The following NPAS3 variants were observed in gnomAD, a reference collection of about 807,000 sequenced individuals.
NPAS3 encodes neuronal PAS domain protein 3.
In NPAS3, 14 loss-of-function variants were observed where a neutral mutation model predicts 73.1. The ratio of observed to expected loss-of-function variants is 0.19; its 90% CI spans 0.13 to 0.30. The LOEUF (loss-of-function observed/expected upper bound fraction) is 0.30. Among genes scored for constraint, NPAS3 ranks in the 10% least tolerant of loss-of-function variants. The probability of loss-of-function intolerance (pLI) is 1.00; values close to 1 mark genes in which losing one functional copy is unlikely to be tolerated. For synonymous variants in NPAS3, 620 were observed against 541.5 expected (o/e 1.14, Z -2.01); for missense variants, 1,096 against 1,250.0 (o/e 0.88, Z 1.86).
intron 3 of NPAS3, among the ~76,000 whole-genome samples, chr14:33,256,416 C>G (rs890988864): frequency 1.3e-5 from 2 of 152,058 alleles, no homozygotes; most frequent in African/African-American, 2.4e-5. Flanking sequence ...CCATAAATTA[C>G]AAATAGTAAT....
intron 2 of NPAS3, among the ~76,000 whole-genome samples, chr14:33,130,455 T>C (rs935359301): frequency 3.3e-5 from 5 of 152,188 alleles, no homozygotes; most frequent in East Asian, 1.9e-4. Flanking sequence ...GAAATAAATA[T>C]GTGATTGCAT....
chr14:33,748,506 C>T (rs558439010), intron 7 of NPAS3, among the ~76,000 whole-genome samples: 192 of 152,278 alleles, frequency 1.3e-3, no homozygotes, highest in Non-Finnish European at 2.1e-3. Context: ...ATATATTTAA[C>T]AGTCCTCAAC....
intron 3 of NPAS3, among the ~76,000 whole-genome samples, chr14:33,224,939 TAA>T (rs2047570255): frequency 6.6e-6 from 1 of 152,164 alleles, no homozygotes; most frequent in African/African-American, 2.4e-5. Flanking sequence ...TCTATAAATC[TAA>T]AAGTGTTTCA....
intron 5 of NPAS3, among the ~76,000 whole-genome samples, chr14:33,640,413 T>C (rs181936632): frequency 2.6e-5 from 4 of 152,322 alleles, no homozygotes; most frequent in African/African-American, 7.2e-5. Flanking sequence ...GTTCTGACAT[T>C]TCTGAGACTC....
chr14:33,573,579 G>T (rs958404648), intron 5 of NPAS3, among the ~76,000 whole-genome samples: 1 of 152,168 alleles, frequency 6.6e-6, no homozygotes, highest in Non-Finnish European at 1.5e-5. Flanking sequence ...GAAACGGAAA[G>T]GTAGCATTCC....
intron 3 of NPAS3, among the ~76,000 whole-genome samples, chr14:33,363,942 G>GTGTGTGTGT (rs1291882705): frequency 6.6e-6 from 1 of 151,756 alleles, no homozygotes; most frequent in Non-Finnish European, 1.5e-5. Context: ...GTGTGTGTGT[G>GTGTGTGTGT]TGTGTGTTGT....
At chr14:33,111,736 T>C (rs1379246058) in intron 2 of NPAS3, among the ~76,000 whole-genome samples, 3 of 151,914 alleles carry the variant, frequency 2.0e-5, no homozygotes, top group Non-Finnish European at 4.4e-5. Flanking sequence ...TATGTATACA[T>C]GTGCCATGTT....
chr14:33,701,668 T>A (rs1479560429), intron 6 of NPAS3, among the ~76,000 whole-genome samples: 1 of 152,212 alleles, frequency 6.6e-6, no homozygotes, highest in Non-Finnish European at 1.5e-5. Flanking sequence ...CCACCTTTTG[T>A]CTTACAATTT....
intron 1 of NPAS3, among the ~76,000 whole-genome samples, chr14:33,043,382 G>A (rs1208130599): frequency 1.3e-5 from 2 of 152,020 alleles, no homozygotes; most frequent in African/African-American, 4.8e-5. Flanking sequence ...AATAATACAA[G>A]GTATGTTCCC....
Position 33,095,184 on chromosome 14 carries a change from G to A in NPAS3, c.140+39190G>A, listed in dbSNP as rs193285864. On this transcript the variant is annotated intron_variant, in intron 2 of 11. Coordinates refer to ENST00000356141, the Ensembl canonical transcript of NPAS3. ...TCATTATAAAATTGGAGGCTGTGCG[G>A]TGTGTTCTTTACCTTTTGTGGTTGA... Among the ~76,000 whole-genome samples, 24 of 152,316 alleles carry A rather than the reference G, an allele frequency of 1.6e-4. No homozygotes were observed. The East Asian group carries it at 4.2e-3, about 27-fold the overall frequency.
chr14:33,308,508 GT>G (rs200748303), intron 3 of NPAS3, among the ~76,000 whole-genome samples: 2,297 of 61,956 alleles, frequency 0.037, 126 homozygotes, highest in African/African-American at 0.14. Context: ...CTATTGCATA[GT>G]TTATATATAT....
chr14:33,402,157 A>G (rs537503659), intron 4 of NPAS3, among the ~76,000 whole-genome samples: 1 of 152,196 alleles, frequency 6.6e-6, no homozygotes, highest in East Asian at 1.9e-4. Context: ...TCTCATGACA[A>G]CTGAGTTTAT....
chr14:33,539,227 C>T (rs1036676554), intron 4 of NPAS3, among the ~76,000 whole-genome samples: 4 of 152,184 alleles, frequency 2.6e-5, no homozygotes, highest in Admixed American at 2.6e-4. Context: ...CTACTTTTCA[C>T]TGAAGGAAGA....
intron 4 of NPAS3, among the ~76,000 whole-genome samples, chr14:33,378,306 G>A (rs1181965565): frequency 6.6e-6 from 1 of 152,120 alleles, no homozygotes; most frequent in Non-Finnish European, 1.5e-5. Flanking sequence ...CAACAGGAGG[G>A]AATCAGATCA....
chr14:33,189,389 C>T (rs1445967725), intron 2 of NPAS3, among the ~76,000 whole-genome samples: 1 of 152,180 alleles, frequency 6.6e-6, no homozygotes, highest in African/African-American at 2.4e-5. Flanking sequence ...GTGTACTAAG[C>T]ACTTGGGGAT....
chr14:33,449,301 G>C (rs771814745), intron 4 of NPAS3, among the ~76,000 whole-genome samples: 6 of 152,158 alleles, frequency 3.9e-5, no homozygotes, highest in Non-Finnish European at 5.9e-5. Context: ...ACAAAAGTAA[G>C]TGGACTACAT....
In NPAS3 at chr14:33,072,327, C is replaced by T. The variant is rs534103721; in HGVS notation, c.140+16333C>T. Reference sequence around the variant, plus strand: ...TGGAAAAGGACGTGATTTAAAATTTCATTTAGAAAACAACTTCAGTTGTTC... The same window carrying T: ...TGGAAAAGGACGTGATTTAAAATTTTATTTAGAAAACAACTTCAGTTGTTC... On this transcript the variant is annotated intron_variant, in intron 2 of 11. Coordinates refer to ENST00000356141, the Ensembl canonical transcript of NPAS3. Among the ~76,000 whole-genome samples, 6 of 152,294 alleles carry T rather than the reference C, an allele frequency of 3.9e-5. No individual in the cohort carries two copies. In the East Asian group the frequency reaches 1.2e-3, roughly 29 times the overall value.
chr14:33,544,956 C>G (rs1452947927), intron 4 of NPAS3, among the ~76,000 whole-genome samples: 3 of 149,372 alleles, frequency 2.0e-5, no homozygotes, highest in Non-Finnish European at 3.0e-5. Flanking sequence ...TTATAAAAAT[C>G]ATTTTTCTCC....
At chr14:33,677,716 A>C (rs2059809401) in intron 6 of NPAS3, among the ~76,000 whole-genome samples, 1 of 152,130 alleles carries the variant, frequency 6.6e-6, no homozygotes, top group Non-Finnish European at 1.5e-5. Flanking sequence ...GGCATTCATT[A>C]TTCTTAGCAT....
Sources: allele counts gnomAD v4.1 joint callset (sites outside exome capture counted in the v4.1 genomes callset), GRCh38; gene constraint gnomAD v4.1.1; transcripts MANE v1.5; gene names NCBI Gene and HGNC (gene_info 2026-07-23, HGNC 2026-07-21).